The following RANBP2 variants were observed in gnomAD, a reference collection of about 807,000 sequenced individuals.
The protein encoded by RANBP2 is E3 SUMO-protein ligase RanBP2.
Under a neutral mutation model 303.6 loss-of-function variants are expected in RANBP2, and 57 were observed. The ratio of observed to expected loss-of-function variants is 0.19; its 90% confidence interval spans 0.15 to 0.23. The LOEUF is 0.23. RANBP2 is among the 10% of genes least tolerant of loss of function. The pLI, the probability that RANBP2 is intolerant of heterozygous loss-of-function variation, is 1.00. For missense variants in RANBP2, 3,138 were observed against 3,780.8 expected (o/e 0.83, Z 4.46); for synonymous variants, 1,167 against 1,301.5 (o/e 0.90, Z 2.23).
At chr2:108,839,755 G>A in the RANBP2 span, among the ~76,000 whole-genome samples, 1 of 151,436 alleles carries the variant, frequency 6.6e-6, no homozygotes, top group African/African-American at 2.4e-5. Flanking sequence ...AGTTTTAGGA[G>A]TTTTCTTGAA....
chr2:109,471,321 A>G, the RANBP2 span, among the ~76,000 whole-genome samples: 2 of 152,190 alleles, frequency 1.3e-5, no homozygotes, highest in Non-Finnish European at 2.9e-5. Flanking sequence ...GAAACTTACA[A>G]TCATGGCGGA....
chr2:109,667,403 G>A, the RANBP2 span: 1 of 414,790 alleles, frequency 2.4e-6, no homozygotes, highest in South Asian at 2.5e-5. Context: ...TGAGACCAGA[G>A]TTATTCACGG....
At chr2:109,218,876 A>T in the RANBP2 span, among the ~76,000 whole-genome samples, 1 of 152,250 alleles carries the variant, frequency 6.6e-6, no homozygotes, top group Non-Finnish European at 1.5e-5. Flanking sequence ...CAATGCAATT[A>T]AAAATATATA....
the RANBP2 span, among the ~76,000 whole-genome samples, chr2:109,347,068 C>T: frequency 2.0e-5 from 3 of 152,180 alleles, no homozygotes; most frequent in Admixed American, 6.5e-5. Flanking sequence ...CTCAGCACGA[C>T]GGATGCCATG....
At chr2:109,236,997 C>G in the RANBP2 span, among the ~76,000 whole-genome samples, 4 of 152,128 alleles carry the variant, frequency 2.6e-5, no homozygotes, top group African/African-American at 9.7e-5. Flanking sequence ...ACAGAAAGAT[C>G]AGGGGAAGCT....
the RANBP2 span, among the ~76,000 whole-genome samples, chr2:109,420,575 A>G: frequency 1.3e-5 from 2 of 152,086 alleles, no homozygotes; most frequent in African/African-American, 4.8e-5. Context: ...CCTCCCAAGT[A>G]GCTGGGACTA....
At chr2:108,989,876 AC>A in the RANBP2 span, among the ~76,000 whole-genome samples, 10 of 151,940 alleles carry the variant, frequency 6.6e-5, no homozygotes, top group Non-Finnish European at 1.3e-4. Flanking sequence ...CCTCATTCAC[AC>A]CTACACAGAT....
chr2:109,490,230 G>A, the RANBP2 span, among the ~76,000 whole-genome samples: 1 of 152,192 alleles, frequency 6.6e-6, no homozygotes, highest in East Asian at 1.9e-4. Flanking sequence ...TAGAAATAAT[G>A]TCAGTCTTCA....
the RANBP2 span, among the ~76,000 whole-genome samples, chr2:109,101,451 C>A: frequency 6.6e-6 from 1 of 152,040 alleles, no homozygotes; most frequent in South Asian, 2.1e-4. Flanking sequence ...GGCGGGAACT[C>A]GGGAGGTGGA....
At chr2:109,668,704 T>G in the RANBP2 span, among the ~76,000 whole-genome samples, 1 of 152,202 alleles carries the variant, frequency 6.6e-6, no homozygotes, top group Non-Finnish European at 1.5e-5. Flanking sequence ...AAAGATAATT[T>G]GATGACTATA....
Position 108,762,798 on chromosome 2 carries a change from CCATCATCATCAT to C in RANBP2, c.2698-420_2698-409del, listed in dbSNP as rs112880794. 5.3e-5 allele frequency among the ~76,000 whole-genome samples: 8 copies of C among 151,294 alleles called. No individual in the cohort carries two copies. In the East Asian group the frequency reaches 7.7e-4, roughly 15 times the overall value. Reference sequence around the variant, plus strand: ...ATTAATAAATGCTCAATAAATGTTACCATCATCATCATCATCATCATCATCATCATTAACATC... The same window carrying C: ...ATTAATAAATGCTCAATAAATGTTACCATCATCATCATCATCATTAACATC... On this transcript the variant is annotated intron_variant, in intron 19 of 28. Coordinates refer to ENST00000283195, the MANE Select transcript of RANBP2 (RefSeq NM_006267.5).
At chr2:109,449,571 T>G in the RANBP2 span, 1 of 1,493,822 alleles carries the variant, frequency 6.7e-7, no homozygotes. Context: ...GCAGTGGCAT[T>G]TGTGCAATTG....
At chr2:109,738,045 G>A in the RANBP2 span, among the ~76,000 whole-genome samples, 725 of 151,076 alleles carry the variant, frequency 4.8e-3, 4 homozygotes, top group African/African-American at 0.017. Context: ...TCTTTACTCT[G>A]TTGATTGTTT....
the RANBP2 span, chr2:108,923,226 G>C: frequency 2.4e-6 from 2 of 817,076 alleles, no homozygotes; most frequent in Non-Finnish European, 4.2e-6. Context: ...TGCCTGGACA[G>C]GCCACAGGAG....
the RANBP2 span, among the ~76,000 whole-genome samples, chr2:109,711,711 C>T: frequency 6.6e-6 from 1 of 152,206 alleles, no homozygotes; most frequent in Non-Finnish European, 1.5e-5. Context: ...CTGGAGACCC[C>T]TCAGCCTGCC....
At chr2:109,748,094 G>T in the RANBP2 span, among the ~76,000 whole-genome samples, 1,398 of 5,458 alleles carry the variant, frequency 0.26, 429 homozygotes, top group Non-Finnish European at 0.73. Context: ...TTGGCTCACT[G>T]CAACCTCCAC....
At chr2:109,300,238 C>T in the RANBP2 span, among the ~76,000 whole-genome samples, 3 of 152,070 alleles carry the variant, frequency 2.0e-5, no homozygotes, top group Non-Finnish European at 4.4e-5. Context: ...CTCACTCTGT[C>T]GCCCAGGCTG....
chr2:108,931,811 T>C, the RANBP2 span, among the ~76,000 whole-genome samples: 1 of 152,184 alleles, frequency 6.6e-6, no homozygotes. Context: ...AGTCTGGGTA[T>C]TAATTAGCCT....
At chr2:109,243,756 C>T in the RANBP2 span, among the ~76,000 whole-genome samples, 10 of 152,200 alleles carry the variant, frequency 6.6e-5, no homozygotes, top group African/African-American at 2.2e-4. Flanking sequence ...CGGGGTGGCC[C>T]GAGTGGTTTT....
Sources: allele counts gnomAD v4.1 joint callset (sites outside exome capture counted in the v4.1 genomes callset), GRCh38; gene constraint gnomAD v4.1.1; transcripts MANE v1.5; gene names NCBI Gene and HGNC (gene_info 2026-07-23, HGNC 2026-07-21).